The following GAP43 variants were observed in gnomAD, a reference collection of about 807,000 sequenced individuals.
GAP43 encodes growth associated protein 43, also known as neuromodulin.
A neutral mutation model predicts 18.6 loss-of-function variants in GAP43; 6 were observed. That is an observed-to-expected ratio of 0.32 (90% CI 0.18 to 0.64). GAP43 has a LOEUF of 0.64. Among genes scored for constraint, GAP43 ranks in the 30% least tolerant of loss-of-function variants. GAP43 has a pLI of 0.78. For synonymous variants in GAP43, 115 were observed against 111.4 expected, an observed-to-expected ratio of 1.03 and a Z score of -0.20; for missense variants, 292 against 295.5, an observed-to-expected ratio of 0.99 and a Z score of 0.09.
chr3:115,637,519 T>TTTTCCCATG (rs1251248968), intron 1 of GAP43, among the ~76,000 whole-genome samples: 7 of 152,072 alleles, frequency 4.6e-5, no homozygotes, highest in African/African-American at 1.7e-4. Flanking sequence ...GGTTGCACTT[T>TTTTCCCATG]TTTCCCATGC....
chr3:115,710,792 A>G (rs983751274), intron 2 of GAP43, among the ~76,000 whole-genome samples: 4 of 152,188 alleles, frequency 2.6e-5, no homozygotes, highest in African/African-American at 9.7e-5. Flanking sequence ...CCCAAAGTGA[A>G]ACTTAGGTTT....
chr3:115,623,596 G>C lies in GAP43; in HGVS notation c.-94G>C, dbSNP rs1425481726. The C allele has an allele frequency of 1.3e-6, 2 of 1,520,914 alleles. No homozygotes were observed. Among genetic ancestry groups the C allele is most frequent in the Non-Finnish European group, 1.8e-6 (2 of 1,100,254 alleles). The allele number at this position is 1,520,914 out of a possible 1,614,324, so 94.2% of individuals were successfully genotyped here. On this transcript the variant is annotated 5_prime_UTR_variant, in exon 1 of 3. Transcript: ENST00000305124. ...CGCGCTAGCGCGAGAGAGCGAGTGA[G>C]CAAGCGAGCAGAAAAGAGGTGGAGA...
intron 1 of GAP43, among the ~76,000 whole-genome samples, chr3:115,669,551 T>A (rs72943725): frequency 0.015 from 2,286 of 152,318 alleles, 59 homozygotes; most frequent in African/African-American, 0.051. Flanking sequence ...AAGGCATCAG[T>A]TGCAATACAT....
At chr3:115,709,851 A>G in intron 2 of GAP43, among the ~76,000 whole-genome samples, 1 of 151,524 alleles carries the variant, frequency 6.6e-6, no homozygotes. Flanking sequence ...ATACATATAT[A>G]TATATATATA....
In GAP43 at chr3:115,633,507, G is replaced by A. The variant is rs144201015; in HGVS notation, c.30+9788G>A. Among the ~76,000 whole-genome samples, 244 of 152,226 alleles carry A rather than the reference G, an allele frequency of 1.6e-3. 1 individual carries two copies. The highest frequency in any genetic ancestry group is 5.6e-3 in the African/African-American group (233 of 41,538). On this transcript the variant is annotated intron_variant, in intron 1 of 2. Transcript: ENST00000305124. ...GTCAGAAGGAACTTATCTCAAGTGT[G>A]GTGGACTATTCATTTTTCCTTTTGG...
intron 2 of GAP43, among the ~76,000 whole-genome samples, chr3:115,682,853 AAAGT>A (rs1199536303): frequency 1.3e-5 from 2 of 152,174 alleles, no homozygotes; most frequent in African/African-American, 4.8e-5. Flanking sequence ...TTTAGTTAAA[AAAGT>A]AAGCAGACAA....
chr3:115,677,871 A>G (rs1576991616), intron 2 of GAP43, among the ~76,000 whole-genome samples: 2 of 152,214 alleles, frequency 1.3e-5, no homozygotes. Context: ...CCAAAATCAG[A>G]TACTACAATA....
chr3:115,647,030 T>A (rs1708466031), intron 1 of GAP43, among the ~76,000 whole-genome samples: 1 of 152,026 alleles, frequency 6.6e-6, no homozygotes, highest in African/African-American at 2.4e-5. Context: ...TCACATTTCC[T>A]CTGTTGAAAT....
intron 2 of GAP43, among the ~76,000 whole-genome samples, chr3:115,711,491 A>G (rs1380214462): frequency 9.3e-6 from 1 of 107,610 alleles, no homozygotes; most frequent in Non-Finnish European, 2.2e-5. Flanking sequence ...TTTAAGTTCT[A>G]AATACACACA....
At chr3:115,652,111 G>T (rs1708525485) in intron 1 of GAP43, among the ~76,000 whole-genome samples, 1 of 151,984 alleles carries the variant, frequency 6.6e-6, no homozygotes, top group African/African-American at 2.4e-5. Flanking sequence ...TGGGTGTCTA[G>T]TTCCTTCCAA....
intron 1 of GAP43, among the ~76,000 whole-genome samples, chr3:115,643,433 T>C (rs1708422286): frequency 6.6e-6 from 1 of 152,048 alleles, no homozygotes; most frequent in Admixed American, 6.6e-5. Context: ...ATTATCCTAA[T>C]CCATTTCAGG....
intron 2 of GAP43, among the ~76,000 whole-genome samples, chr3:115,680,956 T>C (rs569892487): frequency 6.6e-6 from 1 of 152,364 alleles, no homozygotes; most frequent in East Asian, 1.9e-4. Flanking sequence ...CAAGGATATT[T>C]ACACTTATTT....
intron 1 of GAP43, among the ~76,000 whole-genome samples, chr3:115,631,925 A>G (rs1389660443): frequency 6.6e-6 from 1 of 152,114 alleles, no homozygotes; most frequent in Non-Finnish European, 1.5e-5. Flanking sequence ...GCTCAGAGTA[A>G]ATATTAACCA....
chr3:115,721,064 A>G lies in GAP43; in HGVS notation c.*182A>G, dbSNP rs967607560. 1.2e-5 allele frequency: 4 copies of G among 335,332 alleles called. No homozygotes were observed. The highest frequency in any genetic ancestry group is 4.6e-5 in the Admixed American group (1 of 21,874). The allele number at this position is 335,332 out of a possible 1,614,324, so 20.8% of individuals were successfully genotyped here. On this transcript the variant is annotated 3_prime_UTR_variant, in exon 3 of 3. Coordinates refer to ENST00000305124, the MANE Select transcript of GAP43 (RefSeq NM_002045.4). ...CAAACATTTAAAAAAAAAAAAAAAA[A>G]GCAGGAAAGATCCCAAGTCAAACAG...
At chr3:115,682,875 G>A (rs1708973969) in intron 2 of GAP43, among the ~76,000 whole-genome samples, 1 of 152,066 alleles carries the variant, frequency 6.6e-6, no homozygotes, top group Non-Finnish European at 1.5e-5. Flanking sequence ...CAAAAGACAA[G>A]ATGAAGGAAT....
chr3:115,675,098 G>T (rs192071033), intron 1 of GAP43, among the ~76,000 whole-genome samples: 63 of 152,152 alleles, frequency 4.1e-4, no homozygotes, highest in African/African-American at 1.5e-3. Flanking sequence ...TTGAGACAGG[G>T]TCTCAATCTG....
intron 1 of GAP43, among the ~76,000 whole-genome samples, chr3:115,667,168 C>T (rs573765810): frequency 5.9e-5 from 9 of 152,060 alleles, no homozygotes; most frequent in Non-Finnish European, 1.2e-4. Context: ...ACTATTTTAG[C>T]CACTGAAGCT....
chr3:115,693,323 TC>T (rs1266879231), intron 2 of GAP43, among the ~76,000 whole-genome samples: 1 of 152,156 alleles, frequency 6.6e-6, no homozygotes, highest in Non-Finnish European at 1.5e-5. Flanking sequence ...TTAAAAGTAG[TC>T]CAAGGAAATG....
At chr3:115,649,838 G>GAAAT (rs767239560) in intron 1 of GAP43, among the ~76,000 whole-genome samples, 1 of 144,210 alleles carries the variant, frequency 6.9e-6, no homozygotes, top group African/African-American at 2.6e-5. Context: ...AAGAAAGAAA[G>GAAAT]AAAAAGAAAA....
Sources: allele counts gnomAD v4.1 joint callset (sites outside exome capture counted in the v4.1 genomes callset), GRCh38; gene constraint gnomAD v4.1.1; transcripts MANE v1.5; gene names NCBI Gene and HGNC (gene_info 2026-07-23, HGNC 2026-07-21).